The following CYP26B1 variants were observed in gnomAD, a reference collection of about 807,000 sequenced individuals.
CYP26B1 encodes cytochrome P450 family 26 subfamily B member 1, also known as cytochrome P450 26B1.
Under a neutral mutation model 39.1 loss-of-function variants are expected in CYP26B1, and 8 were observed. The ratio of observed to expected loss-of-function variants is 0.20; its 90% CI spans 0.12 to 0.37. The LOEUF (loss-of-function observed/expected upper bound fraction) is 0.37, where lower values mean the gene tolerates loss of function less well. Ranked by LOEUF, CYP26B1 falls within the 10% of genes least tolerant of loss-of-function variation. The pLI is 1.00. For missense variants in CYP26B1, 615 were observed against 707.0 expected (o/e 0.87, Z 1.48); for synonymous variants, 321 against 314.3 (o/e 1.02, Z -0.23).
chr2:72,139,690 T>C (rs10203221), intron 2 of CYP26B1, among the ~76,000 whole-genome samples: 32,714 of 151,984 alleles, frequency 0.22, 10,005 homozygotes, highest in African/African-American at 0.69. Flanking sequence ...TGAGATTTGC[T>C]TGGCCACTCT....
intron 1 of CYP26B1, among the ~76,000 whole-genome samples, chr2:72,144,912 G>A (rs941738739): frequency 4.6e-5 from 7 of 152,200 alleles, no homozygotes; most frequent in East Asian, 1.9e-4. Context: ...GATCCCCGGT[G>A]GTGGCGGCGC....
rs1377048791 is a variant in CYP26B1, at chr2:72,130,222, T to C, written c.*2005A>G. 1 of 152,288 alleles carries C rather than the reference T, an allele frequency of 6.6e-6. No homozygotes were observed. Among genetic ancestry groups the C allele is most frequent in the Non-Finnish European group, 1.5e-5 (1 of 68,138 alleles). 9.4% of individuals were successfully genotyped at this position (152,288 alleles called of 1,614,324 possible). A position where few individuals can be genotyped will look rare whatever the true frequency, so the allele number is the denominator to read the frequency against. ...AAATGAACCTCCCAGACACTGGTTTTGTGTTGGGGGGAGGGGGTACAGGTC... is the reference window on the plus strand; with the variant it reads ...AAATGAACCTCCCAGACACTGGTTTCGTGTTGGGGGGAGGGGGTACAGGTC... On this transcript the variant is annotated 3_prime_UTR_variant, in exon 6 of 6. Transcript: ENST00000001146.
chr2:72,144,971 G>C (rs1677077411), intron 1 of CYP26B1, among the ~76,000 whole-genome samples: 1 of 152,164 alleles, frequency 6.6e-6, no homozygotes. Flanking sequence ...GAAACGGCTG[G>C]CGGAGCCGGC....
intron 4 of CYP26B1, among the ~76,000 whole-genome samples, chr2:72,133,899 T>G (rs2104043437): frequency 6.6e-6 from 1 of 152,196 alleles, no homozygotes; most frequent in East Asian, 1.9e-4. Context: ...GCCAGGGCTT[T>G]CTGGGGAGCA....
chr2:72,145,989 C>A lies in CYP26B1; in HGVS notation c.204+1642G>T, dbSNP rs574795618. ...TGGGATTCAGAGGGCTCTCATTAAC[C>A]CCTTAGGCGCTCCTGTACACGTACC... On this transcript the variant is annotated intron_variant, in intron 1 of 5. Coordinates refer to ENST00000001146, the MANE Select transcript of CYP26B1 (RefSeq NM_019885.4). Among the ~76,000 whole-genome samples, 118 of 152,270 alleles carry A rather than the reference C, an allele frequency of 7.7e-4. 1 individual carries two copies. The highest frequency in any genetic ancestry group is 2.6e-3 in the African/African-American group (107 of 41,564).
rs533791371 is a variant in CYP26B1 at position 72,132,110 on chromosome 2, G to A, written c.*117C>T. The A allele has an allele frequency of 1.1e-4, 127 of 1,202,772 alleles. No individual in the cohort carries two copies. In the African/African-American group the frequency reaches 1.7e-3, roughly 16 times the overall value. The allele number at this position is 1,202,772 out of a possible 1,614,324, so 74.5% of individuals were successfully genotyped here. A position where few individuals can be genotyped will look rare whatever the true frequency, so the allele number is the denominator to read the frequency against. On this transcript the variant is annotated 3_prime_UTR_variant, in exon 6 of 6. Transcript: ENST00000001146. ...TTTGCCAGGGAGGGGGAGCAAGGGA[G>A]GGCAAGTATGGGGGCCACTCGCCCT...
intron 2 of CYP26B1, among the ~76,000 whole-genome samples, chr2:72,139,287 G>A (rs1247648423): frequency 1.3e-5 from 2 of 152,212 alleles, no homozygotes; most frequent in Admixed American, 6.5e-5. Flanking sequence ...TGAGGCAGCC[G>A]TCCGCACAGG....
At chr2:72,143,379 G>C (rs1005078306) in intron 2 of CYP26B1, among the ~76,000 whole-genome samples, 2 of 151,958 alleles carry the variant, frequency 1.3e-5, no homozygotes, top group South Asian at 4.1e-4. Context: ...TTCGGGGGGG[G>C]GTGGGTGCGC....
intron 1 of CYP26B1, among the ~76,000 whole-genome samples, chr2:72,146,744 C>T (rs1409057687): frequency 6.6e-6 from 1 of 152,214 alleles, no homozygotes; most frequent in Non-Finnish European, 1.5e-5. Flanking sequence ...CTCCGCTCCC[C>T]CACCCCAAGA....
rs749226859 is a variant in CYP26B1 at position 72,144,226 on chromosome 2, C to T, written c.205-13G>A. 5 of 1,578,456 alleles carry T rather than the reference C, an allele frequency of 3.2e-6. No homozygotes were observed. The highest frequency in any genetic ancestry group is 4.3e-6 in the Non-Finnish European group (5 of 1,156,380). ...GGAAGCCAGAACCCTGCGGGAGCCA[C>T]ACCCGGGTCTCTCTCAGGGTGCACT... is the stretch of plus-strand genomic sequence containing the variant. On this transcript the variant is annotated splice_polypyrimidine_tract_variant and intron_variant, in intron 1 of 5. Coordinates refer to ENST00000001146, the MANE Select transcript of CYP26B1 (RefSeq NM_019885.4).
chr2:72,135,000 T>C, intron 3 of CYP26B1, 84 bp from the exon 4 acceptor site: 2 of 1,602,782 alleles, frequency 1.2e-6, no homozygotes, highest in Non-Finnish European at 1.7e-6. Flanking sequence ...TCCAGCCTCC[T>C]CCTACCCCAC....
At chr2:72,140,117 C>T (rs898759043) in intron 2 of CYP26B1, among the ~76,000 whole-genome samples, 9 of 152,230 alleles carry the variant, frequency 5.9e-5, no homozygotes, top group African/African-American at 2.2e-4. Context: ...TCTTCCAAGG[C>T]TGGGAGAGTG....
intron 2 of CYP26B1, among the ~76,000 whole-genome samples, chr2:72,139,283 A>AGCCGTG (rs1205756663): frequency 6.6e-6 from 1 of 152,206 alleles, no homozygotes; most frequent in Non-Finnish European, 1.5e-5. Flanking sequence ...CCGCTGAGGC[A>AGCCGTG]GCCGTCCGCA....
At chr2:72,145,045 C>T (rs1273714599) in intron 1 of CYP26B1, among the ~76,000 whole-genome samples, 1 of 152,146 alleles carries the variant, frequency 6.6e-6, no homozygotes, top group Non-Finnish European at 1.5e-5. Context: ...TCCCGCTCAC[C>T]TTTGACGTCG....
At chr2:72,144,645 G>T in intron 1 of CYP26B1, 1 of 253,080 alleles carries the variant, frequency 4.0e-6, no homozygotes, top group Non-Finnish European at 6.2e-6. Context: ...ATTATTTATA[G>T]CGGTAAGCGG....
At chr2:72,143,744 G>T (rs996245412) in intron 2 of CYP26B1, among the ~76,000 whole-genome samples, 1 of 152,258 alleles carries the variant, frequency 6.6e-6, no homozygotes, top group Non-Finnish European at 1.5e-5. Context: ...GCACGCTCAA[G>T]CTCTTCCAAG....
rs1466324113 is a variant in CYP26B1, at chr2:72,132,461, A to C, written c.1305T>G (p.Gly435=). The C allele has an allele frequency of 1.9e-6, 3 of 1,613,268 alleles. No homozygotes were observed. ...TGCCCAGGCAGGTCCGGACACCGCC[A>C]CCGAACGGGAGGTAATGGAAGCGGC... ...KDGRFHYLPF[G]GGVRTCLGKH... The change falls in exon 6 of 6, where the codon GGT becomes GGG. Residue 435 remains glycine (G), a synonymous_variant. Coordinates refer to ENST00000001146, the MANE Select transcript of CYP26B1 (RefSeq NM_019885.4).
At chr2:72,145,815 T>C (rs1451693206) in intron 1 of CYP26B1, among the ~76,000 whole-genome samples, 2 of 152,106 alleles carry the variant, frequency 1.3e-5, no homozygotes, top group Non-Finnish European at 2.9e-5. Flanking sequence ...AGTACTTTCA[T>C]AGGGGCGGCC....
At chr2:72,133,348 T>C in intron 4 of CYP26B1, 41 bp from the exon 5 acceptor site, 1 of 1,585,220 alleles carries the variant, frequency 6.3e-7, no homozygotes, top group Non-Finnish European at 8.5e-7. Flanking sequence ...AGGTGTGGGT[T>C]CAGCCAGGCA....
Sources: allele counts gnomAD v4.1 joint callset (sites outside exome capture counted in the v4.1 genomes callset), GRCh38; gene constraint gnomAD v4.1.1; transcripts MANE v1.5; gene names NCBI Gene and HGNC (gene_info 2026-07-23, HGNC 2026-07-21).